NRXN3: variants seen among roughly 807,000 people sequenced by gnomAD.
NRXN3 encodes neurexin 3.
In NRXN3, 32 loss-of-function variants were observed where a neutral mutation model predicts 137.6. The ratio of observed to expected loss-of-function variants is 0.23; its 90% CI spans 0.18 to 0.31. The LOEUF (loss-of-function observed/expected upper bound fraction) is 0.31, where lower values mean the gene tolerates loss of function less well. Among genes scored for constraint, NRXN3 ranks in the 10% least tolerant of loss-of-function variants. NRXN3 has a pLI of 1.00. For missense variants in NRXN3, 1,574 were observed against 2,062.5 expected (o/e 0.76, Z 4.59); for synonymous variants, 798 against 784.5 (o/e 1.02, Z -0.29).
intron 3 of NRXN3, among the ~76,000 whole-genome samples, chr14:78,294,426 C>T (rs2076109216): frequency 6.6e-6 from 1 of 151,890 alleles, no homozygotes; most frequent in South Asian, 2.1e-4. Flanking sequence ...CATGGTGGCA[C>T]ACACCTGTAA....
intron 15 of NRXN3, among the ~76,000 whole-genome samples, chr14:79,307,158 T>C (rs2086227272): frequency 6.6e-6 from 1 of 152,094 alleles, no homozygotes; most frequent in South Asian, 2.1e-4. Context: ...TTCTTCCTCC[T>C]TATTCATGGG....
chr14:78,629,293 T>C (rs565479093), intron 4 of NRXN3, among the ~76,000 whole-genome samples: 134 of 152,352 alleles, frequency 8.8e-4, no homozygotes, highest in Non-Finnish European at 1.4e-3. Context: ...CTCTCTCCTT[T>C]CTTCTATGAT....
intron 15 of NRXN3, among the ~76,000 whole-genome samples, chr14:79,383,478 T>C (rs1344126416): frequency 6.6e-6 from 1 of 152,196 alleles, no homozygotes; most frequent in Non-Finnish European, 1.5e-5. Flanking sequence ...TCTTTTCATG[T>C]AAGAAACAAA....
intron 16 of NRXN3, among the ~76,000 whole-genome samples, chr14:79,574,501 A>G (rs1197888149): frequency 6.6e-6 from 1 of 152,204 alleles, no homozygotes; most frequent in Non-Finnish European, 1.5e-5. Context: ...GATATATTTT[A>G]TAGTCATTAT....
intron 4 of NRXN3, among the ~76,000 whole-genome samples, chr14:78,609,605 G>T (rs909169746): frequency 1.3e-5 from 2 of 152,156 alleles, no homozygotes; most frequent in Non-Finnish European, 2.9e-5. Context: ...GCATGACCTT[G>T]GTTGACCTTC....
intron 4 of NRXN3, among the ~76,000 whole-genome samples, chr14:78,597,879 G>A (rs1424548682): frequency 6.6e-6 from 1 of 152,190 alleles, no homozygotes; most frequent in East Asian, 1.9e-4. Context: ...ACGGCTAGTT[G>A]ATCCCTCTTG....
intron 20 of NRXN3, among the ~76,000 whole-genome samples, chr14:79,847,312 G>C (rs941683037): frequency 6.6e-6 from 1 of 152,030 alleles, no homozygotes; most frequent in Non-Finnish European, 1.5e-5. Context: ...TGTAAATTTG[G>C]GTTATTTCTG....
intron 15 of NRXN3, among the ~76,000 whole-genome samples, chr14:79,405,260 G>A (rs866053289): frequency 7.2e-5 from 11 of 152,124 alleles, no homozygotes; most frequent in South Asian, 4.1e-4. Context: ...CAGCATGCTC[G>A]GAGGTAGAGC....
At chr14:79,791,143 G>A (rs1383451059) in intron 19 of NRXN3, 2 of 152,110 alleles carry the variant, frequency 1.3e-5, no homozygotes, top group African/African-American at 2.4e-5. Flanking sequence ...TTGTAATCAC[G>A]GTGGAGCTTT....
At chr14:78,795,283 G>T (rs61289428) in intron 8 of NRXN3, among the ~76,000 whole-genome samples, 8,866 of 152,194 alleles carry the variant, frequency 0.058, 633 homozygotes, top group East Asian at 0.19. Context: ...TAAATACTAT[G>T]ATTTTCTTTC....
rs150620870 is a variant in NRXN3, at chr14:78,862,685, G to A, written c.2275+52341G>A. Among the ~76,000 whole-genome samples, 358 of 152,178 alleles carry A rather than the reference G, an allele frequency of 2.4e-3. 8 individuals are homozygous for A. Among genetic ancestry groups the A allele is most frequent in the Non-Finnish European group, 6.8e-4 (46 of 67,978 alleles). On this transcript the variant is annotated intron_variant, in intron 10 of 20. Coordinates refer to ENST00000335750, the MANE Select transcript of NRXN3 (RefSeq NM_001330195.2). The stretch of plus-strand genomic sequence containing the variant: ...CTATCATATGCAAGATAGAGTACTA[G>A]GGGCTGAGTATACAAAAATAAATAA...
rs35908076 is a variant in NRXN3, at chr14:78,915,345, C to CAAAAAA, written c.2276-41875_2276-41870dup. Among the ~76,000 whole-genome samples the CAAAAAA allele has an allele frequency of 5.4e-4, 6 of 11,190 alleles. 2 individuals are homozygous for CAAAAAA. The highest frequency in any genetic ancestry group is 1.7e-3 in the African/African-American group (6 of 3,572). The allele number at this position is 11,190 out of a possible 152,430, so 7.3% of individuals were successfully genotyped here. A position where few individuals can be genotyped will look rare whatever the true frequency, so the allele number is the denominator to read the frequency against. On this transcript the variant is annotated intron_variant, in intron 10 of 20. Transcript: ENST00000335750. ...CCCAAACATCTTTCTACGTGTGAAG[C>CAAAAAA]AAAAAAAAAAAAAAAAAAAAAAAAA...
intron 17 of NRXN3, among the ~76,000 whole-genome samples, chr14:79,674,509 T>G (rs1377198656): frequency 6.6e-6 from 1 of 152,134 alleles, no homozygotes; most frequent in East Asian, 2.0e-4. Context: ...GTGGTCACTG[T>G]CCACCAAGGG....
chr14:78,768,887 T>G (rs1349063251), intron 8 of NRXN3, among the ~76,000 whole-genome samples: 1 of 152,142 alleles, frequency 6.6e-6, no homozygotes, highest in Admixed American at 6.5e-5. Context: ...AACTAGAAGC[T>G]CTCCAAACCC....
rs201757390 is a variant in NRXN3 at position 79,861,591 on chromosome 14, C to T, written c.4343C>T (p.Ala1448Val). The T allele has an allele frequency of 3.3e-5, 53 of 1,611,458 alleles. No individual in the cohort carries two copies. The highest frequency in any genetic ancestry group is 2.5e-5 in the Non-Finnish European group (29 of 1,179,052). The change falls in exon 21 of 21, where the codon GCC becomes GTC. Residue 1448 changes from alanine to valine, a missense_variant. Physicochemically the swap from Ala to Val is moderately conservative, Grantham distance 64 (BLOSUM62 0). Transcript: ENST00000335750. This position sits in a 1 kb window ranked among gnomAD's most constrained non-coding sequence, Gnocchi z 5.4. ...ATAGTCTTGCTTCCGTTGCCCACTG[C>T]CTATGAGCTAGACAGCACCAAACTG... is the stretch of plus-strand genomic sequence containing the variant. ...PDIVLLPLPT[A>V]YELDSTKLKS... is the part of the protein sequence containing the mutation.
chr14:78,638,202 A>G (rs1014507636), intron 4 of NRXN3, among the ~76,000 whole-genome samples: 4 of 152,210 alleles, frequency 2.6e-5, no homozygotes, highest in Admixed American at 6.5e-5. Flanking sequence ...TCTCTGCTGC[A>G]TCTTTCCTAC....
intron 15 of NRXN3, among the ~76,000 whole-genome samples, chr14:79,188,669 G>A (rs8006322): frequency 0.26 from 40,242 of 152,152 alleles, 6,205 homozygotes; most frequent in Non-Finnish European, 0.36. Flanking sequence ...GGCTTTGTAA[G>A]TGTCTAGGCA....
At chr14:79,185,772 C>T (rs1219951805) in intron 15 of NRXN3, among the ~76,000 whole-genome samples, 2 of 152,050 alleles carry the variant, frequency 1.3e-5, no homozygotes, top group Admixed American at 6.6e-5. Flanking sequence ...CCGGCCCATA[C>T]TTGGGAATTT....
chr14:79,855,452 A>C (rs1034981695), intron 20 of NRXN3, among the ~76,000 whole-genome samples: 14 of 152,160 alleles, frequency 9.2e-5, no homozygotes, highest in African/African-American at 3.4e-4. Context: ...CATGCTGGAT[A>C]ATATTTTAGG....
Sources: allele counts gnomAD v4.1 joint callset (sites outside exome capture counted in the v4.1 genomes callset), GRCh38; gene constraint gnomAD v4.1.1; non-coding constraint Gnocchi (gnomAD v3.1); transcripts MANE v1.5; gene names NCBI Gene and HGNC (gene_info 2026-07-23, HGNC 2026-07-21).